The following FABP7 variants were observed in gnomAD, a reference collection of about 807,000 sequenced individuals.
FABP7 encodes the protein fatty acid-binding protein, brain.
In FABP7, 13 loss-of-function variants were observed where a neutral mutation model predicts 14.2. That is an observed-to-expected ratio of 0.91 (90% CI 0.59 to 1.45). The LOEUF (loss-of-function observed/expected upper bound fraction) is 1.45, where lower values mean the gene tolerates loss of function less well. Ranked by LOEUF, FABP7 falls within the 40% of genes most tolerant of loss-of-function variation. The pLI, the probability that FABP7 is intolerant of heterozygous loss-of-function variation, is 0.00. For missense variants in FABP7, 149 were observed against 157.6 expected, an observed-to-expected ratio of 0.95 and a Z score of 0.29; for synonymous variants, 49 against 51.4, an observed-to-expected ratio of 0.95 and a Z score of 0.20.
chr6:122,779,638 G>C, upstream of FABP7: 2 of 656,160 alleles, frequency 3.0e-6, no homozygotes, highest in Non-Finnish European at 5.5e-6. Flanking sequence ...ACACTGGAGG[G>C]GTGTGTTTGC....
At chr6:122,750,507 A>G in the FABP7 span, among the ~76,000 whole-genome samples, 1 of 152,240 alleles carries the variant, frequency 6.6e-6, no homozygotes, top group Non-Finnish European at 1.5e-5. Flanking sequence ...TGCAATAATA[A>G]CTAAATTCAT....
At chr6:122,773,296 C>A in the FABP7 span, among the ~76,000 whole-genome samples, 1 of 152,214 alleles carries the variant, frequency 6.6e-6, no homozygotes, top group South Asian at 2.1e-4. Context: ...CTAAATTACC[C>A]TTAAGTTCCT....
the FABP7 span, among the ~76,000 whole-genome samples, chr6:122,765,709 T>C: frequency 6.6e-6 from 1 of 152,050 alleles, no homozygotes; most frequent in Non-Finnish European, 1.5e-5. Context: ...ATTTTATTTT[T>C]TAATTTTAGC....
intron 2 of FABP7, 60 bp downstream of exon 2, chr6:122,780,523 T>A: frequency 2.0e-6 from 3 of 1,508,922 alleles, no homozygotes; most frequent in Non-Finnish European, 2.7e-6. Context: ...GATAAAGATT[T>A]CCAATGCATG....
chr6:122,764,282 G>A, the FABP7 span, among the ~76,000 whole-genome samples: 2 of 152,024 alleles, frequency 1.3e-5, no homozygotes, highest in East Asian at 1.9e-4. Context: ...GCAAATTATT[G>A]CAAGGACAGA....
rs997916986 is a variant in FABP7 at position 122,779,905 on chromosome 6, T to C, written c.73+38T>C. The C allele has an allele frequency of 1.9e-6, 3 of 1,588,650 alleles. No homozygotes were observed. In the South Asian group the frequency reaches 3.3e-5, roughly 18 times the overall value. ...AAGACCGGCTGTTCTCTTCTCAACG[T>C]GCAGCTTTAGATATTTGCAGATTCC... On this transcript the variant is annotated intron_variant, in intron 1 of 3. Coordinates refer to ENST00000368444, the MANE Select transcript of FABP7 (RefSeq NM_001446.5).
the FABP7 span, among the ~76,000 whole-genome samples, chr6:122,749,518 T>G: frequency 6.0e-4 from 92 of 152,318 alleles, 2 homozygotes; most frequent in South Asian, 0.019. Context: ...TAAGGTCCGA[T>G]GCTCCAAAAT....
chr6:122,753,709 C>T, the FABP7 span, among the ~76,000 whole-genome samples: 1 of 151,818 alleles, frequency 6.6e-6, no homozygotes, highest in Non-Finnish European at 1.5e-5. Context: ...AATGAAAGTA[C>T]ACTCCACAGT....
Position 122,781,156 on chromosome 6 carries a change from A to C in FABP7, c.310A>C (p.Asn104His), listed in dbSNP as rs963939342. ...HIQKWDGKET[N>H]FVREIKDGKM... is the part of the protein sequence containing the mutation. The stretch of plus-strand genomic sequence containing the variant: ...ACAGAAATGGGATGGCAAAGAAACA[A>C]ATTTTGTAAGAGAAATTAAGGATGG... The change falls in exon 3 of 4, where the codon AAT (asparagine) becomes CAT (histidine). Residue 104 changes from asparagine (N) to histidine (H), a missense_variant. Physicochemically the swap from Asn to His is moderately conservative, Grantham distance 68 (BLOSUM62 1). Transcript: ENST00000368444. 3 of 1,613,900 alleles carry C rather than the reference A, an allele frequency of 1.9e-6. No individual in the cohort carries two copies. The Admixed American group carries it at 5.0e-5, about 27-fold the overall frequency.
chr6:122,782,309 T>A, intron 3 of FABP7: 1 of 649,624 alleles, frequency 1.5e-6, no homozygotes, highest in Non-Finnish European at 1.9e-6. Flanking sequence ...ACGCCTGAGA[T>A]CAAGGCGACC....
chr6:122,765,064 ATCT>A, the FABP7 span, among the ~76,000 whole-genome samples: 3 of 152,314 alleles, frequency 2.0e-5, no homozygotes, highest in East Asian at 1.9e-4. Flanking sequence ...AAAGAGAAAA[ATCT>A]TCTTTTACAG....
At chr6:122,776,221 C>T (rs144037722), upstream of FABP7, among the ~76,000 whole-genome samples, 1 of 152,228 alleles carries the variant, frequency 6.6e-6, no homozygotes, top group African/African-American at 2.4e-5. Context: ...GTTATCTGTG[C>T]TTCCATGTTT....
the FABP7 span, among the ~76,000 whole-genome samples, chr6:122,749,961 A>G: frequency 9.2e-5 from 14 of 152,214 alleles, no homozygotes; most frequent in Non-Finnish European, 1.3e-4. Flanking sequence ...ATTTTATAGA[A>G]TTAAGTTATT....
chr6:122,774,472 T>C, the FABP7 span, among the ~76,000 whole-genome samples: 1 of 152,106 alleles, frequency 6.6e-6, no homozygotes, highest in South Asian at 2.1e-4. Flanking sequence ...CTCTGCTTTT[T>C]CACTTTATCT....
chr6:122,775,702 AAC>A (rs1780660538), upstream of FABP7, among the ~76,000 whole-genome samples: 1 of 44,296 alleles, frequency 2.3e-5, no homozygotes, highest in Non-Finnish European at 1.2e-4. Context: ...CAACAACAAC[AAC>A]AAAAAAAACA....
chr6:122,782,409 C>T, intron 3 of FABP7: 3 of 634,928 alleles, frequency 4.7e-6, no homozygotes, highest in South Asian at 7.0e-5. Context: ...GTTGGGCTTA[C>T]AGTTGTTATT....
At chr6:122,781,509 T>C in intron 3 of FABP7, 1 of 1,338,834 alleles carries the variant, frequency 7.5e-7, no homozygotes, top group Non-Finnish European at 9.6e-7. Context: ...TATGGATGTC[T>C]CTCAAATAAA....
At chr6:122,752,631 T>C in the FABP7 span, among the ~76,000 whole-genome samples, 2 of 152,182 alleles carry the variant, frequency 1.3e-5, no homozygotes, top group East Asian at 3.9e-4. Flanking sequence ...ATAGATAGAA[T>C]CTCTTGGACC....
upstream of FABP7, among the ~76,000 whole-genome samples, chr6:122,775,767 T>C (rs1562337632): frequency 6.7e-6 from 1 of 148,576 alleles, no homozygotes; most frequent in South Asian, 2.1e-4. Context: ...TGGAAGAAAA[T>C]ATTTGGAAGC....
Sources: gnomAD v4.1 joint callset for allele counts (sites outside exome capture counted in the v4.1 genomes callset) on GRCh38, gnomAD v4.1.1 for gene constraint, MANE v1.5 for transcripts, NCBI Gene and HGNC (gene_info 2026-07-23, HGNC 2026-07-21) for gene names.